The following ANK2 variants were observed in gnomAD, a reference collection of about 807,000 sequenced individuals.
The protein encoded by ANK2 is ankyrin-2.
Under a neutral mutation model 360.5 loss-of-function variants are expected in ANK2, and 83 were observed. The observed-to-expected ratio is 0.23, with a 90% CI of 0.19 to 0.28. ANK2 has a LOEUF of 0.28. ANK2 is among the 10% of genes least tolerant of loss of function. The pLI is 1.00. For synonymous variants in ANK2, 1,740 were observed against 1,759.5 expected, an observed-to-expected ratio of 0.99 and a Z score of 0.28; for missense variants, 4,201 against 4,795.7, an observed-to-expected ratio of 0.88 and a Z score of 3.66.
rs182361114 is a variant in ANK2 at position 113,094,262 on chromosome 4, G to A, written c.84+44450G>A. Among the ~76,000 whole-genome samples, 38 of 152,272 alleles carry A rather than the reference G, an allele frequency of 2.5e-4. 1 individual carries two copies. Among genetic ancestry groups the A allele is most frequent in the Admixed American group, 2.3e-3 (35 of 15,286 alleles). On this transcript the variant is annotated intron_variant, in intron 1 of 45. Transcript: ENST00000357077. ...TGATGTTTTTTAAAAAAGAGATAAAGTGATCTCTTAAAAACTGAGGAGTGC... is the reference window on the plus strand; with the variant it reads ...TGATGTTTTTTAAAAAAGAGATAAAATGATCTCTTAAAAACTGAGGAGTGC...
the ANK2 span, among the ~76,000 whole-genome samples, chr4:112,763,409 C>CAT: frequency 6.7e-6 from 1 of 149,368 alleles, no homozygotes; most frequent in Non-Finnish European, 1.5e-5. Context: ...TTTTGTATTT[C>CAT]TTTTAGTAGA....
At chr4:113,123,583 A>G (rs947352904) in intron 1 of ANK2, among the ~76,000 whole-genome samples, 2 of 152,196 alleles carry the variant, frequency 1.3e-5, no homozygotes, top group South Asian at 4.1e-4. Flanking sequence ...GTCATCAGCT[A>G]TTTGAGTGTG....
At chr4:113,156,276 G>A (rs1470971369) in intron 1 of ANK2, among the ~76,000 whole-genome samples, 1 of 131,678 alleles carries the variant, frequency 7.6e-6, no homozygotes, top group Non-Finnish European at 1.6e-5. Flanking sequence ...TACTAACTTT[G>A]TAATGTTTAT....
At chr4:113,376,802 GTTT>G (rs36011726) in intron 45 of ANK2, among the ~76,000 whole-genome samples, 3 of 114,178 alleles carry the variant, frequency 2.6e-5, no homozygotes, top group Non-Finnish European at 3.4e-5. Context: ...ACTTTTTAAG[GTTT>G]TTTTTTTTTT....
At chr4:113,242,014 C>G in intron 8 of ANK2, 97 bp from the exon 9 acceptor site, 1 of 933,086 alleles carries the variant, frequency 1.1e-6, no homozygotes, top group South Asian at 1.4e-5. Flanking sequence ...CAAATTACCA[C>G]GTAGGTCACA....
At chr4:112,950,391 T>G (rs552658134) in intron 2 of ANK2, among the ~76,000 whole-genome samples, 1 of 152,220 alleles carries the variant, frequency 6.6e-6, no homozygotes, top group South Asian at 2.1e-4. Flanking sequence ...ACGCCCGTAA[T>G]CCCAGCACTT....
chr4:113,291,973 G>A (rs2067908153), intron 20 of ANK2, among the ~76,000 whole-genome samples: 1 of 152,210 alleles, frequency 6.6e-6, no homozygotes, highest in African/African-American at 2.4e-5. Flanking sequence ...TGAACAAGCA[G>A]TGGTTTATAT....
intron 2 of ANK2, among the ~76,000 whole-genome samples, chr4:113,184,629 C>T (rs987781069): frequency 3.0e-4 from 45 of 152,154 alleles, no homozygotes; most frequent in Non-Finnish European, 1.5e-4. Context: ...CTTTAAGAAT[C>T]TTCCAGCCCT....
chr4:112,883,077 T>C (rs1226793874), intron 1 of ANK2, among the ~76,000 whole-genome samples: 1 of 135,642 alleles, frequency 7.4e-6, no homozygotes, highest in African/African-American at 2.8e-5. Context: ...TTCACTCTTT[T>C]GCCCAGGCTG....
At chr4:113,330,930 AT>A (rs969916407) in intron 27 of ANK2, among the ~76,000 whole-genome samples, 63 of 151,716 alleles carry the variant, frequency 4.2e-4, no homozygotes, top group Middle Eastern at 3.4e-3. Flanking sequence ...AATCAATGTG[AT>A]TTTTTTTTCA....
intron 1 of ANK2, among the ~76,000 whole-genome samples, chr4:112,818,839 AG>A (rs540578303): frequency 2.8e-4 from 43 of 152,298 alleles, no homozygotes; most frequent in African/African-American, 1.0e-3. Context: ...AAATAGTGTC[AG>A]CTGGCAGAAC....
chr4:112,852,456 AC>A (rs571691546), intron 1 of ANK2, among the ~76,000 whole-genome samples: 108 of 152,322 alleles, frequency 7.1e-4, no homozygotes, highest in Non-Finnish European at 1.3e-3. Flanking sequence ...GAATTCTTAT[AC>A]ATTTTATGTC....
At chr4:112,865,929 G>A (rs781702613) in intron 1 of ANK2, among the ~76,000 whole-genome samples, 2 of 152,056 alleles carry the variant, frequency 1.3e-5, no homozygotes, top group Non-Finnish European at 1.5e-5. Context: ...AGCAATGTGA[G>A]TTTCAATTTT....
intron 1 of ANK2, among the ~76,000 whole-genome samples, chr4:112,861,560 A>C (rs2068030519): frequency 6.6e-6 from 1 of 152,194 alleles, no homozygotes; most frequent in African/African-American, 2.4e-5. Flanking sequence ...AGCTGTGTAA[A>C]ATCTCAGCTG....
intron 4 of ANK2, among the ~76,000 whole-genome samples, chr4:113,220,799 T>C (rs993217815): frequency 1.3e-5 from 2 of 152,198 alleles, no homozygotes; most frequent in Non-Finnish European, 2.9e-5. Context: ...AACACAAATC[T>C]AAGTCATCTA....
chr4:112,777,540 A>G, the ANK2 span, among the ~76,000 whole-genome samples: 1 of 146,368 alleles, frequency 6.8e-6, no homozygotes, highest in Admixed American at 6.9e-5. Flanking sequence ...AGCGCCTGGC[A>G]TGTAAATTTT....
intron 36 of ANK2, 66 bp downstream of exon 36, chr4:113,348,374 T>C: frequency 6.6e-7 from 1 of 1,525,958 alleles, no homozygotes; most frequent in Non-Finnish European, 9.1e-7. Flanking sequence ...TAAGAGCACA[T>C]AGTTAACCTG....
chr4:112,767,412 T>C, the ANK2 span, among the ~76,000 whole-genome samples: 1 of 151,950 alleles, frequency 6.6e-6, no homozygotes, highest in Non-Finnish European at 1.5e-5. Flanking sequence ...AATACAAACA[T>C]TAGCCGGGTG....
At chr4:112,968,316 A>T (rs972803188) in intron 2 of ANK2, among the ~76,000 whole-genome samples, 1 of 152,016 alleles carries the variant, frequency 6.6e-6, no homozygotes, top group Non-Finnish European at 1.5e-5. Context: ...GACATCTGTC[A>T]CTCCCCATGG....
Sources: gnomAD v4.1 joint callset for allele counts (sites outside exome capture counted in the v4.1 genomes callset) on GRCh38, gnomAD v4.1.1 for gene constraint, MANE v1.5 for transcripts, NCBI Gene and HGNC (gene_info 2026-07-23, HGNC 2026-07-21) for gene names.